Variants in VILL observed in about 807,000 individuals in gnomAD.
The protein encoded by VILL is villin like.
In VILL, 102 loss-of-function variants were observed where a neutral mutation model predicts 106.3. The observed-to-expected ratio is 0.96, with a 90% CI of 0.82 to 1.13. The LOEUF is 1.13. VILL is among the 50% of genes most tolerant of loss of function. VILL has a pLI of 0.00. For missense variants in VILL, 1,076 were observed against 1,116.6 expected (o/e 0.96, Z 0.52); for synonymous variants, 431 against 440.3 (o/e 0.98, Z 0.27).
At position 38,002,644 on chromosome 3, in the gene VILL, C is replaced by T. The variant is rs1699840829; in HGVS notation, c.1659+69C>T. 23 of 1,538,338 alleles carry T rather than the reference C, an allele frequency of 1.5e-5. No individual in the cohort carries two copies. In the South Asian group the frequency reaches 2.8e-4, roughly 19 times the overall value. ...GTGCCAGGCTGGGGGTGGGTCCTCT[C>T]CACAGGGCATGCAGACTTTGAGTCC... is the stretch of plus-strand genomic sequence containing the variant. On this transcript the variant is annotated intron_variant, in intron 14 of 19. Transcript: ENST00000383759.
intron 15 of VILL, chr3:38,003,585 G>A: frequency 2.2e-6 from 1 of 454,178 alleles, no homozygotes; most frequent in Non-Finnish European, 4.0e-6. Context: ...TCCTGGGCCA[G>A]GGGACAAAGC....
chr3:37,995,351 AT>A (rs1195205654), intron 4 of VILL, among the ~76,000 whole-genome samples: 1 of 152,224 alleles, frequency 6.6e-6, no homozygotes, highest in African/African-American at 2.4e-5. Context: ...CACCACCCTC[AT>A]GTATGTCCAC....
At chr3:38,000,472 G>C (rs1414603574) in intron 11 of VILL, among the ~76,000 whole-genome samples, 1 of 152,048 alleles carries the variant, frequency 6.6e-6, no homozygotes, top group Non-Finnish European at 1.5e-5. Flanking sequence ...AGGGAGAAGA[G>C]AGGGAGGGTC....
Position 38,007,055 on chromosome 3 carries a change from A to G in VILL, c.2571A>G (p.Ter857TrpextTer38). ...AGAAAAAGCAGCTGGGCTTCTTCTG[A>G]ACCCAAGCCCTCTCGACTGCCCCTA... ...RQEKKQLGFF[*>W] The change falls in exon 20 of 20, where the codon TGA becomes TGG. Residue 857 changes from the stop codon to tryptophan (W), a stop_lost. Transcript: ENST00000383759. 6.2e-7 allele frequency: 1 copy of G among 1,613,646 alleles called. No individual in the cohort carries two copies. Among genetic ancestry groups the G allele is most frequent in the Non-Finnish European group, 8.5e-7 (1 of 1,179,658 alleles).
intron 14 of VILL, 133 bp downstream of exon 14, chr3:38,002,708 G>A (rs1052989301): frequency 1.9e-6 from 2 of 1,062,350 alleles, no homozygotes; most frequent in African/African-American, 1.6e-5. Context: ...GGGAGGGGAA[G>A]AAGCCACAGG....
intron 1 of VILL, among the ~76,000 whole-genome samples, chr3:37,992,461 A>G (rs1699624119): frequency 6.6e-6 from 1 of 152,034 alleles, no homozygotes; most frequent in Non-Finnish European, 1.5e-5. Flanking sequence ...TCCCTTCTCT[A>G]TTCATTTTCA....
At chr3:37,988,600 C>T (rs1454080613), upstream of VILL, among the ~76,000 whole-genome samples, 5 of 152,224 alleles carry the variant, frequency 3.3e-5, no homozygotes, top group African/African-American at 1.2e-4. Context: ...TGGTGGCTTA[C>T]GCCTGTAATC....
rs769750577 is a variant in VILL at position 38,001,477 on chromosome 3, C to A, written c.1204C>A (p.His402Asn). 2.5e-6 allele frequency: 4 copies of A among 1,614,176 alleles called. No individual in the cohort carries two copies. The highest frequency in any genetic ancestry group is 2.2e-5 in the East Asian group (1 of 44,894). The change falls in exon 12 of 20, where the codon CAC (histidine) becomes AAC (asparagine). Residue 402 changes from histidine (H) to asparagine (N), a missense_variant. Physicochemically the swap from His to Asn is moderately conservative, Grantham distance 68. Coordinates refer to ENST00000383759, the MANE Select transcript of VILL (RefSeq NM_015873.4). ...KVEVWCIQDLHRQPVDPKRHG... is the reference protein window; with the variant it reads ...KVEVWCIQDLNRQPVDPKRHG... ...CCAGGTGTGGTGCATCCAGGACTTA[C>A]ACAGGCAGCCCGTGGACCCCAAGCG...
chr3:38,003,921 C>A (rs1156639712), intron 15 of VILL: 1 of 250,078 alleles, frequency 4.0e-6, no homozygotes, highest in African/African-American at 2.2e-5. Flanking sequence ...CGGAGACCTA[C>A]TCTCTGCCAG....
At chr3:37,994,496 G>A in intron 4 of VILL, 30 bp downstream of exon 4, 1 of 1,598,416 alleles carries the variant, frequency 6.3e-7, no homozygotes, top group South Asian at 1.1e-5. Flanking sequence ...GGGCAGGAGG[G>A]AGCCGTGGAG....
chr3:37,997,392 T>A lies in VILL; in HGVS notation c.562-91T>A, dbSNP rs536555243. 133 of 1,422,518 alleles carry A rather than the reference T, an allele frequency of 9.3e-5. No homozygotes were observed. The highest frequency in any genetic ancestry group is 1.3e-4 in the Non-Finnish European group (129 of 1,030,024). The allele number at this position is 1,422,518 out of a possible 1,614,324, so 88.1% of individuals were successfully genotyped here. A position where few individuals can be genotyped will look rare whatever the true frequency, so the allele number is the denominator to read the frequency against. On this transcript the variant is annotated intron_variant, in intron 6 of 19. Transcript: ENST00000383759. This position sits in a 1 kb window ranked among gnomAD's most constrained non-coding sequence, Gnocchi z 4.7. ...GAGGGGACATCAGCCCTTCTCCCCA[T>A]CAGCCTCTGGGAGCTGAGCAGTGAC...
In VILL at chr3:38,001,471, GACTTACA is replaced by G; in HGVS notation, c.1199_1205del (p.Asp400AlafsTer51). The G allele has an allele frequency of 6.2e-7, 1 of 1,614,178 alleles. No homozygotes were observed. The highest frequency in any genetic ancestry group is 8.5e-7 in the Non-Finnish European group (1 of 1,180,000). ...TATTCCCCAGGTGTGGTGCATCCAG[GACTTACA>G]CAGGCAGCCCGTGGACCCCAAGCGT... is the stretch of plus-strand genomic sequence containing the variant. On this transcript the variant is annotated frameshift_variant, in exon 12 of 20. Coordinates refer to ENST00000383759, the MANE Select transcript of VILL (RefSeq NM_015873.4). LOFTEE classifies it high-confidence loss of function.
chr3:38,007,067 C>T lies in VILL; in HGVS notation c.*12C>T, dbSNP rs1274450857. On this transcript the variant is annotated 3_prime_UTR_variant, in exon 20 of 20. Coordinates refer to ENST00000383759, the MANE Select transcript of VILL (RefSeq NM_015873.4). ...TGGGCTTCTTCTGAACCCAAGCCCT[C>T]TCGACTGCCCCTATCCCCTGGACCC... 1.2e-6 allele frequency: 2 copies of T among 1,608,852 alleles called. No individual in the cohort carries two copies. Among genetic ancestry groups the T allele is most frequent in the Non-Finnish European group, 1.7e-6 (2 of 1,175,534 alleles).
chr3:37,990,208 A>G (rs1368096095), upstream of VILL, among the ~76,000 whole-genome samples: 1 of 152,192 alleles, frequency 6.6e-6, no homozygotes, highest in East Asian at 1.9e-4. The surrounding 1 kb of genome is among the most constrained non-coding windows in gnomAD (Gnocchi z 5.1). Context: ...CTTCGCTGCA[A>G]GAGCTGGACT....
Position 38,006,547 on chromosome 3 carries a change from T to A in VILL, c.2304T>A (p.Asn768Lys). ...AGGGCTCCCAGGACAGCTCAGAGAA[T>A]GATCTGGTGCGAAGCCCCAAGTCGG... ...ALKGSQDSSENDLVRSPKSAG... is the reference protein window; with the variant it reads ...ALKGSQDSSEKDLVRSPKSAG... The change falls in exon 19 of 20, where the codon AAT becomes AAA. Residue 768 changes from asparagine to lysine, a missense_variant. Coordinates refer to ENST00000383759, the MANE Select transcript of VILL (RefSeq NM_015873.4). 1 of 1,614,188 alleles carries A rather than the reference T, an allele frequency of 6.2e-7. No individual in the cohort carries two copies. Among genetic ancestry groups the A allele is most frequent in the Non-Finnish European group, 8.5e-7 (1 of 1,180,022 alleles).
At position 38,007,008 on chromosome 3, in the gene VILL, G is replaced by A. The variant is rs779661774; in HGVS notation, c.2524G>A (p.Ala842Thr). Residue 842 changes from alanine to threonine, a missense_variant, in exon 20 of 20, where the codon GCC (alanine) becomes ACC (threonine). Physicochemically the swap from Ala to Thr is moderately conservative, Grantham distance 58 (BLOSUM62 0). Transcript: ENST00000383759. ...GKSKEEFYSMATWRQRQEKKQ... is the reference protein window; with the variant it reads ...GKSKEEFYSMTTWRQRQEKKQ... ...ATCCAAGGAGGAATTCTACAGCATG[G>A]CCACGTGGAGGCAGCGGCAGGAGAA... 7.4e-6 allele frequency: 12 copies of A among 1,614,094 alleles called. 1 individual carries two copies. The Middle Eastern group carries it at 1.5e-3, about 200-fold the overall frequency.
intron 15 of VILL, 112 bp from the exon 16 acceptor site, chr3:38,004,143 C>G: frequency 6.9e-7 from 1 of 1,447,844 alleles, no homozygotes; most frequent in Admixed American, 2.2e-5. Context: ...GAGGAGGGCC[C>G]AGGGCTCCCA....
intron 16 of VILL, 139 bp downstream of exon 16, chr3:38,004,538 A>T (rs778110968): frequency 1.5e-5 from 17 of 1,117,696 alleles, no homozygotes; most frequent in Non-Finnish European, 2.0e-5. Flanking sequence ...GAGCAATTGC[A>T]TTGCGGTGCA....
chr3:37,993,880 G>A lies in VILL; in HGVS notation c.61-18G>A, dbSNP rs1340827872. ...GTAGAGGCCTCCTGAGTTGTTACAG[G>A]GAACTCTCCTCTCCCAGAACCGGAA... On this transcript the variant is annotated intron_variant, in intron 2 of 19. Coordinates refer to ENST00000383759, the MANE Select transcript of VILL (RefSeq NM_015873.4). 4.3e-6 allele frequency: 7 copies of A among 1,614,016 alleles called. No homozygotes were observed. The Admixed American group carries it at 1.0e-4, about 23-fold the overall frequency.
Sources: allele counts gnomAD v4.1 joint callset (sites outside exome capture counted in the v4.1 genomes callset), GRCh38; gene constraint gnomAD v4.1.1; non-coding constraint Gnocchi (gnomAD v3.1); transcripts MANE v1.5; gene names NCBI Gene and HGNC (gene_info 2026-07-23, HGNC 2026-07-21).